The following NBDY variants were observed in gnomAD, a reference collection of about 807,000 sequenced individuals.
The protein encoded by NBDY is P-body dissociating protein.
intron 2 of NBDY, among the ~76,000 whole-genome samples, chrX:56,800,769 G>A (rs2146737427): frequency 9.0e-6 from 1 of 110,739 alleles, no homozygotes; most frequent in African/African-American, 3.3e-5. Context: ...AAGCAGGGTC[G>A]GGTGGGCACA....
chrX:56,808,403 CA>C (rs1193035488), intron 2 of NBDY, among the ~76,000 whole-genome samples: 2 of 111,804 alleles, frequency 1.8e-5, no homozygotes, highest in Non-Finnish European at 3.8e-5. Flanking sequence ...CTTTTTTGGT[CA>C]GTAGGCTATT....
intron 2 of NBDY, among the ~76,000 whole-genome samples, chrX:56,749,025 T>C (rs1399333121): frequency 2.8e-5 from 3 of 108,883 alleles, no homozygotes; most frequent in Non-Finnish European, 5.7e-5. Context: ...CATAAGAGAA[T>C]TCAAAGTTAC....
At chrX:56,737,526 G>T in intron 2 of NBDY, 2 of 956,379 alleles carry the variant, frequency 2.1e-6, no homozygotes, top group Non-Finnish European at 2.9e-6. Flanking sequence ...TACCATTTTC[G>T]AATACCATCC....
rs904753415 is a variant in NBDY, at chrX:56,818,961, C to T, written c.*1808C>T. ...AAATAACTATTTTCAATAAATGGTA[C>T]TGGGACAACTTGGTATCTACATGCA... On this transcript the variant is annotated 3_prime_UTR_variant, in exon 3 of 3. Transcript: ENST00000374922. 1 of 95,261 alleles carries T rather than the reference C, an allele frequency of 1.0e-5. No individual in the cohort carries two copies. Among genetic ancestry groups the T allele is most frequent in the Admixed American group, 1.2e-4 (1 of 8,260 alleles). 7.9% of individuals were successfully genotyped at this position (95,261 alleles called of 1,213,427 possible).
intron 2 of NBDY, among the ~76,000 whole-genome samples, chrX:56,737,822 A>T (rs1442953458): frequency 8.9e-6 from 1 of 111,827 alleles, no homozygotes; most frequent in Non-Finnish European, 1.9e-5. Context: ...AACTCCCAGA[A>T]TGTCCTTTAC....
intron 2 of NBDY, among the ~76,000 whole-genome samples, chrX:56,805,084 G>A (rs781630210): frequency 8.9e-6 from 1 of 112,136 alleles, no homozygotes; most frequent in African/African-American, 3.2e-5. Flanking sequence ...TCAGTTTCAT[G>A]CATGGGCTTG....
At chrX:56,766,293 G>A (rs1292108323) in intron 2 of NBDY, among the ~76,000 whole-genome samples, 2 of 111,371 alleles carry the variant, frequency 1.8e-5, no homozygotes, top group Admixed American at 1.9e-4. Context: ...ACATTTCAGT[G>A]TGTGCAGGCA....
At chrX:56,810,170 T>G (rs1216240253) in intron 2 of NBDY, among the ~76,000 whole-genome samples, 2 of 111,672 alleles carry the variant, frequency 1.8e-5, no homozygotes, top group Non-Finnish European at 1.9e-5. Flanking sequence ...TCTCTCTGTC[T>G]GCCCTTAATA....
At chrX:56,737,187 G>C in intron 2 of NBDY, 1 of 687,420 alleles carries the variant, frequency 1.5e-6, no homozygotes, top group Non-Finnish European at 2.4e-6. Context: ...AAAATTGTTT[G>C]TTTCAAGTTT....
At chrX:56,810,163 C>T (rs1399599031) in intron 2 of NBDY, among the ~76,000 whole-genome samples, 1 of 111,579 alleles carries the variant, frequency 9.0e-6, no homozygotes, top group African/African-American at 3.3e-5. Flanking sequence ...CAACCTTTCT[C>T]TCTGTCTGCC....
At chrX:56,741,421 G>A (rs2069531927) in intron 2 of NBDY, among the ~76,000 whole-genome samples, 1 of 111,557 alleles carries the variant, frequency 9.0e-6, no homozygotes, top group African/African-American at 3.2e-5. Flanking sequence ...TCTTCAAATC[G>A]TTCTCCATTG....
intron 2 of NBDY, among the ~76,000 whole-genome samples, chrX:56,739,261 TATGTATGTATATATATATA>T (rs2069517820): frequency 1.2e-5 from 1 of 80,241 alleles, no homozygotes; most frequent in Non-Finnish European, 2.3e-5. Context: ...TATATATATA[TATGTATGTATATATATATA>T]TTTTTATATA....
intron 2 of NBDY, among the ~76,000 whole-genome samples, chrX:56,802,830 T>C (rs2069830524): frequency 8.9e-6 from 1 of 112,729 alleles, no homozygotes; most frequent in Non-Finnish European, 1.9e-5. Flanking sequence ...TAAAGAGGAT[T>C]TCCGCAGTGT....
At chrX:56,783,387 C>G (rs2069707343) in intron 2 of NBDY, among the ~76,000 whole-genome samples, 1 of 113,149 alleles carries the variant, frequency 8.8e-6, no homozygotes. Context: ...AAGGGCATCC[C>G]AGAACTGCCC....
chrX:56,763,030 G>A (rs1329534173), intron 2 of NBDY, among the ~76,000 whole-genome samples: 1 of 112,394 alleles, frequency 8.9e-6, no homozygotes, highest in African/African-American at 3.2e-5. Context: ...TTCTAAATGT[G>A]CAAAGGGAAC....
At chrX:56,738,019 G>A (rs771163761) in intron 2 of NBDY, among the ~76,000 whole-genome samples, 1 of 111,684 alleles carries the variant, frequency 9.0e-6, no homozygotes, top group South Asian at 3.7e-4. Flanking sequence ...TCACAATCAA[G>A]AAATTTGACA....
intron 2 of NBDY, among the ~76,000 whole-genome samples, chrX:56,763,599 C>T (rs752626717): frequency 1.8e-5 from 2 of 112,376 alleles, no homozygotes; most frequent in Non-Finnish European, 3.8e-5. Flanking sequence ...GATCCTAGTC[C>T]TCCTGTGGTG....
chrX:56,788,177 G>C (rs1233834216), intron 2 of NBDY, among the ~76,000 whole-genome samples: 1 of 112,592 alleles, frequency 8.9e-6, no homozygotes, highest in Non-Finnish European at 1.9e-5. Context: ...CCCTGAGTTT[G>C]GTTGTCAGCC....
chrX:56,761,230 G>A (rs1173433103), intron 2 of NBDY, among the ~76,000 whole-genome samples: 1 of 112,327 alleles, frequency 8.9e-6, no homozygotes, highest in Non-Finnish European at 1.9e-5. Context: ...ACTCACAAGC[G>A]TCTGCCCAGG....
Sources: gnomAD v4.1 joint callset for allele counts (sites outside exome capture counted in the v4.1 genomes callset) on GRCh38, gnomAD v4.1.1 for gene constraint, MANE v1.5 for transcripts, NCBI Gene and HGNC (gene_info 2026-07-23, HGNC 2026-07-21) for gene names.